Variants in TAOK1 observed in about 807,000 individuals in gnomAD.
TAOK1 encodes the protein serine/threonine-protein kinase TAO1.
Under a neutral mutation model 138.3 loss-of-function variants are expected in TAOK1, and 21 were observed. The observed-to-expected ratio is 0.15, with a 90% CI of 0.11 to 0.22. TAOK1 has a LOEUF of 0.22. Ranked by LOEUF, TAOK1 falls within the 10% of genes least tolerant of loss-of-function variation. The pLI, the probability that TAOK1 is intolerant of heterozygous loss-of-function variation, is 1.00. For missense variants in TAOK1, 651 were observed against 1,227.7 expected (o/e 0.53, Z 7.02); for synonymous variants, 361 against 398.4 (o/e 0.91, Z 1.12).
Position 29,456,252 on chromosome 17 carries a change from G to A in TAOK1, c.132+4572G>A, listed in dbSNP as rs575876509. Among the ~76,000 whole-genome samples the A allele has an allele frequency of 9.3e-5, 14 of 150,076 alleles. No individual in the cohort carries two copies. In the East Asian group the frequency reaches 9.6e-4, roughly 10 times the overall value. On this transcript the variant is annotated intron_variant, in intron 2 of 19. Coordinates refer to ENST00000261716, the MANE Select transcript of TAOK1 (RefSeq NM_020791.4). ...AGTCCCAGCTACTCGGGGAACTGAG[G>A]CATGAGAATCGCTTGAACCCGTCCA...
intron 1 of TAOK1, among the ~76,000 whole-genome samples, chr17:29,447,805 T>C (rs1211637269): frequency 6.0e-5 from 9 of 151,104 alleles, no homozygotes; most frequent in African/African-American, 2.2e-4. Flanking sequence ...TACAGGTGCT[T>C]ACCACCACGC....
At chr17:29,461,678 G>A (rs976193873) in intron 2 of TAOK1, among the ~76,000 whole-genome samples, 1 of 152,116 alleles carries the variant, frequency 6.6e-6, no homozygotes, top group African/African-American at 2.4e-5. Flanking sequence ...GAAGGCATAA[G>A]AAGGGTTCAC....
chr17:29,539,176 T>C (rs768667493), intron 19 of TAOK1, among the ~76,000 whole-genome samples: 3 of 152,084 alleles, frequency 2.0e-5, no homozygotes, highest in Non-Finnish European at 4.4e-5. Flanking sequence ...GTGTGGAGGA[T>C]TGCTTGAACC....
chr17:29,462,029 T>G (rs953407307), intron 2 of TAOK1, among the ~76,000 whole-genome samples: 1 of 152,202 alleles, frequency 6.6e-6, no homozygotes, highest in African/African-American at 2.4e-5. Flanking sequence ...CACACTGTTC[T>G]GTTGTTACAT....
At chr17:29,398,194 T>G (rs1417192050) in intron 1 of TAOK1, among the ~76,000 whole-genome samples, 1 of 151,926 alleles carries the variant, frequency 6.6e-6, no homozygotes, top group African/African-American at 2.4e-5. Flanking sequence ...ATTTAACTAT[T>G]TATGCCTCAC....
At chr17:29,399,121 G>A (rs1188652330) in intron 1 of TAOK1, among the ~76,000 whole-genome samples, 2 of 151,668 alleles carry the variant, frequency 1.3e-5, no homozygotes, top group African/African-American at 4.8e-5. Flanking sequence ...CAAGTAGCTA[G>A]GACTACAGGC....
chr17:29,410,361 C>T (rs1387051468), intron 1 of TAOK1, among the ~76,000 whole-genome samples: 2 of 152,176 alleles, frequency 1.3e-5, no homozygotes, highest in Non-Finnish European at 2.9e-5. Context: ...AGCGATTCTC[C>T]TTCCTCACAC....
At chr17:29,498,273 A>T (rs374214293) in intron 11 of TAOK1, 45 bp from the exon 12 acceptor site, 35 of 1,594,760 alleles carry the variant, frequency 2.2e-5, no homozygotes, top group Admixed American at 6.7e-5. Context: ...GAAGAGAGAG[A>T]TATATATTAA....
At position 29,472,377 on chromosome 17, in the gene TAOK1, C is replaced by T. The variant is rs888017330; in HGVS notation, c.205-3293C>T. 9.9e-5 allele frequency among the ~76,000 whole-genome samples: 15 copies of T among 151,024 alleles called. No homozygotes were observed. The South Asian group carries it at 1.0e-3, about 11-fold the overall frequency. ...AAGCGATTCTCCTGCCTCAGCCTCT[C>T]GAGTAACTGAGATTATAGGCCTGCA... On this transcript the variant is annotated intron_variant, in intron 3 of 19. Transcript: ENST00000261716.
At position 29,545,875 on chromosome 17, in the gene TAOK1, T is replaced by TAA. The variant is rs1730376246; in HGVS notation, c.*2853_*2854insAA. On this transcript the variant is annotated 3_prime_UTR_variant, in exon 20 of 20. Transcript: ENST00000261716. ...TTAAGAAAATTAAAACTATGGAAAA[T>TAA]TTGTCTAGCATATCAGAAGTTGTAA... 1 of 152,142 alleles carries TAA rather than the reference T, an allele frequency of 6.6e-6. No homozygotes were observed. The highest frequency in any genetic ancestry group is 1.5e-5 in the Non-Finnish European group (1 of 67,990). 9.4% of individuals were successfully genotyped at this position (152,142 alleles called of 1,614,324 possible).
In TAOK1 at chr17:29,507,889, T is replaced by C. The variant is rs761517714; in HGVS notation, c.1339-7T>C. 6 of 1,608,214 alleles carry C rather than the reference T, an allele frequency of 3.7e-6. No individual in the cohort carries two copies. In the Admixed American group the frequency reaches 1.0e-4, roughly 27 times the overall value. ...TCTTCTTTTCCTTACATTATTTGTA[T>C]GTCTAGGTTACGAGGCAAATGCAAG... On this transcript the variant is annotated splice_region_variant and splice_polypyrimidine_tract_variant and intron_variant, in intron 13 of 19. Transcript: ENST00000261716.
chr17:29,534,840 A>C (rs934163798), intron 19 of TAOK1, among the ~76,000 whole-genome samples: 4 of 152,204 alleles, frequency 2.6e-5, no homozygotes, highest in African/African-American at 9.7e-5. Context: ...TTCTAGATGC[A>C]CATCTTTACT....
chr17:29,508,231 A>G (rs1212283654), intron 14 of TAOK1, 99 bp downstream of exon 14: 7 of 1,016,958 alleles, frequency 6.9e-6, no homozygotes, highest in Non-Finnish European at 1.0e-5. Context: ...GTTCCCGTGA[A>G]CCAAGCAAAT....
At position 29,395,107 on chromosome 17, in the gene TAOK1, C is replaced by T. The variant is rs146603829; in HGVS notation, c.-95+4083C>T. ...ATAAAAAATGAAAATATTAGTGGGGCGTGATGGTGCGTGCTTGTTCTAACT... is the reference window on the plus strand; with the variant it reads ...ATAAAAAATGAAAATATTAGTGGGGTGTGATGGTGCGTGCTTGTTCTAACT... On this transcript the variant is annotated intron_variant, in intron 1 of 19. Transcript: ENST00000261716. 6.8e-4 allele frequency among the ~76,000 whole-genome samples: 101 copies of T among 148,836 alleles called. 1 individual carries two copies. The highest frequency in any genetic ancestry group is 3.9e-3 in the Middle Eastern group (1 of 256).
intron 1 of TAOK1, among the ~76,000 whole-genome samples, chr17:29,443,636 T>A (rs1181799335): frequency 6.6e-6 from 1 of 152,208 alleles, no homozygotes; most frequent in Non-Finnish European, 1.5e-5. Context: ...GCTGTTGATG[T>A]GATTGTTAGT....
chr17:29,416,120 C>T (rs149983745), intron 1 of TAOK1, among the ~76,000 whole-genome samples: 3,104 of 151,858 alleles, frequency 0.02, 105 homozygotes, highest in African/African-American at 0.071. Context: ...AAAAATTAGC[C>T]GGGCATGGTG....
intron 19 of TAOK1, among the ~76,000 whole-genome samples, chr17:29,539,560 C>A (rs945825516): frequency 7.2e-5 from 11 of 152,094 alleles, no homozygotes; most frequent in Non-Finnish European, 1.5e-4. Context: ...CTTCAGCCTC[C>A]CGAGTAGCTG....
chr17:29,445,320 A>G (rs2030051602), intron 1 of TAOK1: 1 of 152,360 alleles, frequency 6.6e-6, no homozygotes, highest in Non-Finnish European at 1.5e-5. Flanking sequence ...AACACTTTAC[A>G]AATTTGCGTG....
Position 29,494,198 on chromosome 17 carries a change from C to T in TAOK1, c.832-1362C>T, listed in dbSNP as rs140951249. Among the ~76,000 whole-genome samples, 157 of 152,170 alleles carry T rather than the reference C, an allele frequency of 1.0e-3. 1 individual carries two copies. Among genetic ancestry groups the T allele is most frequent in the East Asian group, 9.9e-3 (51 of 5,144 alleles). On this transcript the variant is annotated intron_variant, in intron 10 of 19. Transcript: ENST00000261716. ...CTGTGATAACAGGTATAAGCCACTG[C>T]GCCCAGCTAAAATAATAATACTTAT...
Sources: gnomAD v4.1 joint callset for allele counts (sites outside exome capture counted in the v4.1 genomes callset) on GRCh38, gnomAD v4.1.1 for gene constraint, MANE v1.5 for transcripts, NCBI Gene and HGNC (gene_info 2026-07-23, HGNC 2026-07-21) for gene names.